Variants in EFHC2 observed in about 807,000 individuals in gnomAD.
EFHC2 encodes EF-hand domain-containing family member C2.
In EFHC2, 18 loss-of-function variants were observed where a neutral mutation model predicts 52.7. The observed-to-expected ratio is 0.34, with a 90% CI of 0.24 to 0.51. The LOEUF is 0.51. Ranked by LOEUF, EFHC2 falls within the 20% of genes least tolerant of loss-of-function variation. The pLI, the probability that EFHC2 is intolerant of heterozygous loss-of-function variation, is 0.97. For missense variants in EFHC2, 513 were observed against 562.5 expected, an observed-to-expected ratio of 0.91 and a Z score of 0.89; for synonymous variants, 203 against 204.1, an observed-to-expected ratio of 0.99 and a Z score of 0.04.
intron 8 of EFHC2, among the ~76,000 whole-genome samples, chrX:44,240,336 C>A (rs1230159384): frequency 9.0e-6 from 1 of 111,544 alleles, no homozygotes; most frequent in African/African-American, 3.3e-5. Context: ...TACTACCATT[C>A]TCCAGCCAGG....
intron 14 of EFHC2, among the ~76,000 whole-genome samples, chrX:44,163,190 G>T (rs1375110235): frequency 8.9e-6 from 1 of 112,201 alleles, no homozygotes; most frequent in Non-Finnish European, 1.9e-5. Context: ...GAATGAGCTG[G>T]TCAGCAGAGA....
intron 1 of EFHC2, among the ~76,000 whole-genome samples, chrX:44,324,526 G>C (rs1208504739): frequency 9.0e-6 from 1 of 110,539 alleles, no homozygotes; most frequent in Non-Finnish European, 1.9e-5. Context: ...CTTCTTTGAG[G>C]GGCAGCAACC....
At chrX:44,306,307 A>G (rs1353903862) in intron 2 of EFHC2, among the ~76,000 whole-genome samples, 1 of 111,514 alleles carries the variant, frequency 9.0e-6, no homozygotes, top group African/African-American at 3.3e-5. Context: ...AGGTAAATGG[A>G]CCCAGTTTGG....
intron 14 of EFHC2, among the ~76,000 whole-genome samples, chrX:44,156,841 T>C (rs751674049): frequency 1.8e-5 from 2 of 112,380 alleles, no homozygotes; most frequent in South Asian, 3.7e-4. Flanking sequence ...ACAGCTACCA[T>C]CTGTGAGCAA....
intron 2 of EFHC2, among the ~76,000 whole-genome samples, chrX:44,289,175 TTTATG>T (rs1212461626): frequency 1.8e-5 from 2 of 111,635 alleles, no homozygotes; most frequent in East Asian, 2.8e-4. Context: ...ACTCAAAATG[TTTATG>T]TTATGTTTTG....
intron 1 of EFHC2, among the ~76,000 whole-genome samples, chrX:44,323,278 T>C (rs1015061092): frequency 8.9e-6 from 1 of 112,463 alleles, no homozygotes; most frequent in African/African-American, 3.2e-5. Context: ...CAGGGCCTGA[T>C]AGGCATGAGT....
chrX:44,148,868 G>A lies in EFHC2; in HGVS notation c.2177C>T (p.Pro726Leu). 1 of 1,182,545 alleles carries A rather than the reference G, an allele frequency of 8.5e-7. No homozygotes were observed. The highest frequency in any genetic ancestry group is 1.1e-6 in the Non-Finnish European group (1 of 879,966). ...ERCEDVWLGM[P>L]SPIPAKYIDY... is the part of the protein sequence containing the mutation. ...AATGTATTTCGCAGGAATAGGTGAT[G>A]GCATACCAAGCCAAACATCTTCACA... The change falls in exon 15 of 15, where the codon CCA (proline) becomes CTA (leucine). Residue 726 changes from proline to leucine, a missense_variant. Pro to Leu is a moderately conservative substitution (Grantham distance 98, BLOSUM62 -3). Coordinates refer to ENST00000420999, the MANE Select transcript of EFHC2 (RefSeq NM_025184.4).
chrX:44,184,117 C>T (rs2036855427), intron 11 of EFHC2, among the ~76,000 whole-genome samples: 1 of 111,808 alleles, frequency 8.9e-6, no homozygotes, highest in African/African-American at 3.3e-5. Flanking sequence ...CCTGTGAGGG[C>T]TTGCCATCTC....
chrX:44,282,747 AAAACTATGTTTTT>A (rs1333429665), intron 2 of EFHC2, among the ~76,000 whole-genome samples: 5 of 98,693 alleles, frequency 5.1e-5, no homozygotes, highest in Admixed American at 2.2e-4. Context: ...TATGTTTTTT[AAAACTATGTTTTT>A]AAACTATGCT....
intron 14 of EFHC2, among the ~76,000 whole-genome samples, chrX:44,151,812 A>G (rs1407697091): frequency 8.9e-6 from 1 of 111,880 alleles, no homozygotes; most frequent in Non-Finnish European, 1.9e-5. Flanking sequence ...AACAAGGCTC[A>G]GAGGGAAATT....
At chrX:44,283,244 A>G (rs1285820109) in intron 2 of EFHC2, among the ~76,000 whole-genome samples, 4 of 111,620 alleles carry the variant, frequency 3.6e-5, no homozygotes, top group Admixed American at 9.5e-5. Context: ...GTGCAGTGGT[A>G]CGATCTCAGC....
At chrX:44,279,438 AAAAC>A (rs1163777763) in intron 2 of EFHC2, among the ~76,000 whole-genome samples, 4 of 112,317 alleles carry the variant, frequency 3.6e-5, no homozygotes, top group African/African-American at 9.7e-5. Context: ...TGAAAGAAGA[AAAAC>A]AACTGCAATA....
At chrX:44,275,440 C>T (rs1451974557) in intron 2 of EFHC2, among the ~76,000 whole-genome samples, 1 of 109,517 alleles carries the variant, frequency 9.1e-6, no homozygotes, top group African/African-American at 3.3e-5. Flanking sequence ...AGGAGAGACA[C>T]CAAATAGATT....
intron 11 of EFHC2, among the ~76,000 whole-genome samples, chrX:44,228,179 C>T (rs1482505464): frequency 9.0e-6 from 1 of 111,478 alleles, no homozygotes; most frequent in Non-Finnish European, 1.9e-5. Flanking sequence ...GAGCATGCAG[C>T]TCCTTGAGGC....
At chrX:44,248,776 C>A (rs758038234) in intron 6 of EFHC2, 27 bp downstream of exon 6, 93 of 1,143,720 alleles carry the variant, frequency 8.1e-5, no homozygotes, top group Non-Finnish European at 1.1e-4. Flanking sequence ...ACACTAGAAA[C>A]AGGTAATAAA....
At chrX:44,328,779 G>A (rs1303201788) in intron 1 of EFHC2, among the ~76,000 whole-genome samples, 1 of 110,970 alleles carries the variant, frequency 9.0e-6, no homozygotes, top group Non-Finnish European at 1.9e-5. Flanking sequence ...CTTCACTTCA[G>A]CCTCTGATTG....
chrX:44,321,589 GGTAAGATGGGAAGAACACCA>G (rs2038021089), intron 1 of EFHC2, among the ~76,000 whole-genome samples: 1 of 111,510 alleles, frequency 9.0e-6, no homozygotes, highest in African/African-American at 3.3e-5. Context: ...AGGGGCAGCT[GGTAAGATGGGAAGAACACCA>G]GGAGAGTTTA....
intron 4 of EFHC2, among the ~76,000 whole-genome samples, chrX:44,251,597 T>A (rs1290135193): frequency 8.0e-5 from 1 of 12,546 alleles, no homozygotes; most frequent in African/African-American, 2.3e-4. Flanking sequence ...CAATACTCTG[T>A]AAAAAAAAAA....
At chrX:44,338,740 A>AC (rs2038132676) in intron 1 of EFHC2, among the ~76,000 whole-genome samples, 1 of 109,981 alleles carries the variant, frequency 9.1e-6, no homozygotes, top group African/African-American at 3.3e-5. Context: ...AAAAAAAAAA[A>AC]AGCTGGTCAT....
Sources: gnomAD v4.1 joint callset for allele counts (sites outside exome capture counted in the v4.1 genomes callset) on GRCh38, gnomAD v4.1.1 for gene constraint, MANE v1.5 for transcripts, NCBI Gene and HGNC (gene_info 2026-07-23, HGNC 2026-07-21) for gene names.